GMDS: variants seen among roughly 807,000 people sequenced by gnomAD.
The protein encoded by GMDS is GDP-mannose 4,6 dehydratase.
In GMDS, 20 loss-of-function variants were observed where a neutral mutation model predicts 49.9. The observed-to-expected ratio is 0.40, with a 90% CI of 0.28 to 0.58. GMDS has a LOEUF of 0.58. Among genes scored for constraint, GMDS ranks in the 20% least tolerant of loss-of-function variants. GMDS has a pLI of 0.42. For missense variants in GMDS, 362 were observed against 481.4 expected, an observed-to-expected ratio of 0.75 and a Z score of 2.32; for synonymous variants, 177 against 178.6, an observed-to-expected ratio of 0.99 and a Z score of 0.07.
intron 4 of GMDS, among the ~76,000 whole-genome samples, chr6:1,979,687 T>C (rs1765113130): frequency 6.6e-6 from 1 of 152,124 alleles, no homozygotes; most frequent in Non-Finnish European, 1.5e-5. Context: ...ATTCAGGAAA[T>C]GCAGAGAATC....
chr6:1,744,620 G>A (rs1767410494), intron 7 of GMDS, among the ~76,000 whole-genome samples: 1 of 152,186 alleles, frequency 6.6e-6, no homozygotes, highest in Admixed American at 6.5e-5. Context: ...GAGATCTGAA[G>A]TACAGCCCAG....
chr6:1,624,703 G>C, intron 9 of GMDS, 163 bp from the exon 10 acceptor site: 1 of 616,468 alleles, frequency 1.6e-6, no homozygotes, highest in Non-Finnish European at 2.9e-6. Context: ...GCGGCTCTCG[G>C]CGCCGTAAAT....
chr6:2,104,373 T>G (rs1299907582), intron 4 of GMDS, among the ~76,000 whole-genome samples: 1 of 152,232 alleles, frequency 6.6e-6, no homozygotes, highest in Non-Finnish European at 1.5e-5. Context: ...ATTTTATGTT[T>G]AAGTATGAGA....
At chr6:2,214,879 A>G (rs1018049209) in intron 1 of GMDS, among the ~76,000 whole-genome samples, 7 of 152,316 alleles carry the variant, frequency 4.6e-5, no homozygotes, top group Admixed American at 4.6e-4. Context: ...TTAGATTATC[A>G]CAACTTTGCA....
chr6:2,216,879 G>C (rs1780361609), intron 1 of GMDS, among the ~76,000 whole-genome samples: 1 of 152,154 alleles, frequency 6.6e-6, no homozygotes, highest in South Asian at 2.1e-4. Flanking sequence ...AGCAGCCCCT[G>C]CACCTCAACC....
chr6:2,157,299 A>G (rs1379707248), intron 1 of GMDS, among the ~76,000 whole-genome samples: 3 of 152,212 alleles, frequency 2.0e-5, no homozygotes, highest in South Asian at 2.1e-4. Context: ...ACTTTGGGCA[A>G]TAAGTTTCTA....
intron 7 of GMDS, among the ~76,000 whole-genome samples, chr6:1,787,268 T>C (rs1026039453): frequency 1.3e-5 from 2 of 152,130 alleles, no homozygotes; most frequent in Non-Finnish European, 2.9e-5. Flanking sequence ...GAGCGAGACA[T>C]AAAACAAAGT....
intron 1 of GMDS, among the ~76,000 whole-genome samples, chr6:2,203,305 T>C (rs1779637217): frequency 6.6e-6 from 1 of 152,166 alleles, no homozygotes; most frequent in Non-Finnish European, 1.5e-5. Flanking sequence ...AAAAAAAATA[T>C]GTAAGAAACT....
intron 9 of GMDS, among the ~76,000 whole-genome samples, chr6:1,707,213 C>T (rs1323179214): frequency 6.6e-6 from 1 of 152,176 alleles, no homozygotes; most frequent in Non-Finnish European, 1.5e-5. Context: ...TTGTGCTCAC[C>T]AGAACCACGT....
intron 4 of GMDS, among the ~76,000 whole-genome samples, chr6:2,053,030 G>T (rs1276806736): frequency 6.6e-6 from 1 of 152,048 alleles, no homozygotes; most frequent in Non-Finnish European, 1.5e-5. Flanking sequence ...ACCACTTTTT[G>T]ATTGTTTTTT....
chr6:1,754,331 C>G (rs1414259455), intron 7 of GMDS, among the ~76,000 whole-genome samples: 1 of 152,126 alleles, frequency 6.6e-6, no homozygotes, highest in Non-Finnish European at 1.5e-5. Context: ...CAAGACTAAA[C>G]CAGGAAGAAG....
chr6:2,126,622 A>G (rs2127512234), intron 1 of GMDS, among the ~76,000 whole-genome samples: 1 of 152,240 alleles, frequency 6.6e-6, no homozygotes, highest in African/African-American at 2.4e-5. Context: ...ATTAAAACCT[A>G]GAGCAGATTT....
chr6:1,857,546 A>G (rs183623262), intron 7 of GMDS, among the ~76,000 whole-genome samples: 3 of 152,292 alleles, frequency 2.0e-5, no homozygotes, highest in East Asian at 3.9e-4. Flanking sequence ...AAGTGCCCTT[A>G]AACTTATTTT....
At chr6:1,880,008 A>G (rs1759286831) in intron 7 of GMDS, among the ~76,000 whole-genome samples, 1 of 152,208 alleles carries the variant, frequency 6.6e-6, no homozygotes, top group Non-Finnish European at 1.5e-5. Flanking sequence ...TATTCAACGT[A>G]TATCTGAGTT....
chr6:1,652,261 A>G (rs2113215820), intron 9 of GMDS, among the ~76,000 whole-genome samples: 1 of 142,862 alleles, frequency 7.0e-6, no homozygotes, highest in East Asian at 2.1e-4. Context: ...AATCCCAGCT[A>G]CTTGGGAGGC....
At chr6:1,700,841 C>T (rs1318872430) in intron 9 of GMDS, among the ~76,000 whole-genome samples, 1 of 152,112 alleles carries the variant, frequency 6.6e-6, no homozygotes, top group Non-Finnish European at 1.5e-5. Flanking sequence ...CAAAGGCCAT[C>T]CCAGCCCCAG....
chr6:1,742,227 T>C (rs1581535037), intron 8 of GMDS, among the ~76,000 whole-genome samples: 1 of 152,174 alleles, frequency 6.6e-6, no homozygotes, highest in Non-Finnish European at 1.5e-5. Flanking sequence ...GCCAAAAACA[T>C]CTTAAAAGAA....
intron 7 of GMDS, among the ~76,000 whole-genome samples, chr6:1,900,058 T>C (rs1008369861): frequency 3.9e-5 from 6 of 152,216 alleles, no homozygotes; most frequent in Non-Finnish European, 8.8e-5. Flanking sequence ...ACACTCTGAG[T>C]CAACGTTCAA....
At chr6:2,215,609 A>G (rs1185352763) in intron 1 of GMDS, among the ~76,000 whole-genome samples, 1 of 151,916 alleles carries the variant, frequency 6.6e-6, no homozygotes, top group African/African-American at 2.4e-5. Flanking sequence ...TGGGGGAAGG[A>G]GGGAGAAAGA....
Sources: gnomAD v4.1 joint callset for allele counts (sites outside exome capture counted in the v4.1 genomes callset) on GRCh38, gnomAD v4.1.1 for gene constraint, MANE v1.5 for transcripts, NCBI Gene and HGNC (gene_info 2026-07-23, HGNC 2026-07-21) for gene names.